The following ARHGAP15 variants were observed in gnomAD, a reference collection of about 807,000 sequenced individuals.
ARHGAP15 encodes the protein Rho GTPase activating protein 15.
ARHGAP15 carries 51 observed loss-of-function variants against 63.7 expected under a neutral mutation model. That is an observed-to-expected ratio of 0.80 (90% CI 0.64 to 1.01). The LOEUF is 1.01. Among genes scored for constraint, ARHGAP15 ranks in the 50% least tolerant of loss-of-function variants. The pLI is 0.00. For synonymous variants in ARHGAP15, 191 were observed against 193.8 expected (o/e 0.99, Z 0.12); for missense variants, 560 against 564.6 (o/e 0.99, Z 0.08).
At chr2:143,248,178 AG>A (rs2104969086) in intron 5 of ARHGAP15, among the ~76,000 whole-genome samples, 1 of 152,302 alleles carries the variant, frequency 6.6e-6, no homozygotes, top group South Asian at 2.1e-4. Context: ...GAGAGTAACC[AG>A]GAGTACTGGA....
intron 6 of ARHGAP15, among the ~76,000 whole-genome samples, chr2:143,278,001 A>G (rs1366208875): frequency 6.6e-6 from 1 of 152,170 alleles, no homozygotes; most frequent in Non-Finnish European, 1.5e-5. Flanking sequence ...AATTCCCTCC[A>G]GGTTGTATTT....
chr2:143,521,785 T>C (rs569263997), intron 10 of ARHGAP15, among the ~76,000 whole-genome samples: 2 of 137,852 alleles, frequency 1.5e-5, no homozygotes, highest in Non-Finnish European at 3.1e-5. Flanking sequence ...TGTTTCCTTC[T>C]CTTTTTTTTT....
chr2:143,272,227 A>G (rs1681322122), intron 6 of ARHGAP15, among the ~76,000 whole-genome samples: 1 of 152,222 alleles, frequency 6.6e-6, no homozygotes, highest in Non-Finnish European at 1.5e-5. Flanking sequence ...CTTTGCTGTG[A>G]GCAGGGCAGG....
chr2:143,362,434 G>T (rs546388341), intron 6 of ARHGAP15, among the ~76,000 whole-genome samples: 1 of 152,106 alleles, frequency 6.6e-6, no homozygotes, highest in East Asian at 1.9e-4. Context: ...GGAATTCTGC[G>T]TCCTCCTCTT....
Position 143,182,214 on chromosome 2 carries a change from C to T in ARHGAP15, c.166-19920C>T, listed in dbSNP as rs147270697. On this transcript the variant is annotated intron_variant, in intron 2 of 13. Transcript: ENST00000295095. ...CTGACCTTGGGTGATCTGCCCACCTCGGTCTCCCAAATTGCTGGAATTAAG... is the reference window on the plus strand; with the variant it reads ...CTGACCTTGGGTGATCTGCCCACCTTGGTCTCCCAAATTGCTGGAATTAAG... Among the ~76,000 whole-genome samples the T allele has an allele frequency of 2.5e-3, 384 of 152,238 alleles. 2 individuals carry two copies. Among genetic ancestry groups the T allele is most frequent in the African/African-American group, 8.9e-3 (371 of 41,542 alleles).
chr2:143,750,660 C>T (rs77411125), intron 13 of ARHGAP15, among the ~76,000 whole-genome samples: 5,791 of 152,236 alleles, frequency 0.038, 152 homozygotes, highest in Non-Finnish European at 0.061. Flanking sequence ...AGCAATGGTT[C>T]TTTCCCTCCA....
chr2:143,652,710 C>T (rs575838414), intron 12 of ARHGAP15, among the ~76,000 whole-genome samples: 119 of 151,944 alleles, frequency 7.8e-4, no homozygotes, highest in Non-Finnish European at 1.5e-3. Context: ...ATTTCATTTC[C>T]TGCTTGTTTG....
intron 6 of ARHGAP15, among the ~76,000 whole-genome samples, chr2:143,343,301 G>A (rs1271327752): frequency 1.3e-5 from 2 of 152,000 alleles, no homozygotes; most frequent in Admixed American, 6.6e-5. Flanking sequence ...GCATGAGGAC[G>A]CATGTTGAAA....
chr2:143,396,917 C>T (rs1229387455), intron 6 of ARHGAP15, among the ~76,000 whole-genome samples: 4 of 151,998 alleles, frequency 2.6e-5, no homozygotes, highest in Non-Finnish European at 4.4e-5. Context: ...ATATTTCTAA[C>T]CTGCAACAGT....
chr2:143,333,131 G>T (rs576334629), intron 6 of ARHGAP15, among the ~76,000 whole-genome samples: 1 of 152,224 alleles, frequency 6.6e-6, no homozygotes, highest in Admixed American at 6.5e-5. Flanking sequence ...AACATCTTGG[G>T]CAATCCTTTG....
intron 12 of ARHGAP15, among the ~76,000 whole-genome samples, chr2:143,665,827 A>G (rs1682139385): frequency 6.6e-6 from 1 of 150,832 alleles, no homozygotes; most frequent in African/African-American, 2.4e-5. Context: ...AATTGCTTCA[A>G]AGAGAATAAA....
At chr2:143,680,437 G>A (rs1683049510) in intron 12 of ARHGAP15, among the ~76,000 whole-genome samples, 1 of 152,226 alleles carries the variant, frequency 6.6e-6, no homozygotes, top group African/African-American at 2.4e-5. Flanking sequence ...TACTGGTTAT[G>A]GAGCTAAGCC....
At chr2:143,555,281 A>G (rs1009514495) in intron 10 of ARHGAP15, among the ~76,000 whole-genome samples, 2 of 152,096 alleles carry the variant, frequency 1.3e-5, no homozygotes, top group African/African-American at 4.8e-5. Context: ...TGCTTTGGGA[A>G]GTCTTTATTC....
chr2:143,706,285 C>G (rs1421410749), intron 13 of ARHGAP15: 1 of 152,158 alleles, frequency 6.6e-6, no homozygotes, highest in South Asian at 2.1e-4. Context: ...TAAATATATT[C>G]GTGTTTGAAA....
chr2:143,350,050 C>T (rs570834749), intron 6 of ARHGAP15, among the ~76,000 whole-genome samples: 4 of 152,028 alleles, frequency 2.6e-5, no homozygotes, highest in Non-Finnish European at 2.9e-5. Context: ...ATAATATTAT[C>T]GTAGTTTTAT....
chr2:143,375,873 T>C (rs1686787261), intron 6 of ARHGAP15, among the ~76,000 whole-genome samples: 1 of 152,212 alleles, frequency 6.6e-6, no homozygotes, highest in African/African-American at 2.4e-5. Flanking sequence ...TTTACTTTTT[T>C]CGGTGATGGT....
intron 2 of ARHGAP15, among the ~76,000 whole-genome samples, chr2:143,174,058 G>A (rs1018916087): frequency 9.9e-5 from 15 of 151,976 alleles, no homozygotes; most frequent in Non-Finnish European, 1.5e-4. Context: ...AGTCAACGTC[G>A]CATTTATCAA....
chr2:143,131,272 A>C (rs1008998483), intron 1 of ARHGAP15, among the ~76,000 whole-genome samples: 1 of 152,244 alleles, frequency 6.6e-6, no homozygotes, highest in Non-Finnish European at 1.5e-5. Context: ...TACAAACCAA[A>C]TTTTAAGACA....
chr2:143,346,814 G>A (rs1427434427), intron 6 of ARHGAP15, among the ~76,000 whole-genome samples: 1 of 152,038 alleles, frequency 6.6e-6, no homozygotes, highest in Non-Finnish European at 1.5e-5. Context: ...AAAACTGACT[G>A]AAAGAGATAA....
Sources: gnomAD v4.1 joint callset for allele counts (sites outside exome capture counted in the v4.1 genomes callset) on GRCh38, gnomAD v4.1.1 for gene constraint, MANE v1.5 for transcripts, NCBI Gene and HGNC (gene_info 2026-07-23, HGNC 2026-07-21) for gene names.